The following PCDHGB7 variants were observed in gnomAD, a reference collection of about 807,000 sequenced individuals.
PCDHGB7 encodes protocadherin gamma subfamily B, 7.
A neutral mutation model predicts 61.4 loss-of-function variants in PCDHGB7; 37 were observed. The ratio of observed to expected loss-of-function variants is 0.60; its 90% CI spans 0.46 to 0.79. PCDHGB7 has a LOEUF of 0.79. PCDHGB7 is among the 30% of genes least tolerant of loss of function. The pLI is 0.00. For missense variants in PCDHGB7, 1,166 were observed against 1,202.5 expected (o/e 0.97, Z 0.45); for synonymous variants, 464 against 503.5 (o/e 0.92, Z 1.05).
In PCDHGB7 at chr5:141,511,519, C is replaced by G; in HGVS notation, c.*346C>G. 2.7e-6 allele frequency: 1 copy of G among 367,516 alleles called. No homozygotes were observed. Among genetic ancestry groups the G allele is most frequent in the African/African-American group, 2.1e-5 (1 of 48,286 alleles). 22.8% of individuals were successfully genotyped at this position (367,516 alleles called of 1,614,324 possible). A position where few individuals can be genotyped will look rare whatever the true frequency, so the allele number is the denominator to read the frequency against. ...CCAAATCAATCAGGCCCATCCATCC[C>G]ATGCCTCCCTCCTCCCCACCCCACT... On this transcript the variant is annotated 3_prime_UTR_variant, in exon 4 of 4. Coordinates refer to ENST00000398594, the MANE Select transcript of PCDHGB7 (RefSeq NM_018927.4).
At position 141,431,412 on chromosome 5, in the gene PCDHGB7, G is replaced by A. The variant is rs1458036274; in HGVS notation, c.2415+11138G>A. ...CTGGTCCTTACGGCCTCCGACGGGG[G>A]CGACCCGGTGCGCACAGGCACCGCG... On this transcript the variant is annotated intron_variant, in intron 1 of 3. Transcript: ENST00000398594. This position sits in a 1 kb window ranked among gnomAD's most constrained non-coding sequence, Gnocchi z 4.8. 1 of 1,613,596 alleles carries A rather than the reference G, an allele frequency of 6.2e-7. No homozygotes were observed. Among genetic ancestry groups the A allele is most frequent in the Non-Finnish European group, 8.5e-7 (1 of 1,180,058 alleles).
intron 1 of PCDHGB7, among the ~76,000 whole-genome samples, chr5:141,472,119 A>C (rs1015212535): frequency 6.6e-6 from 1 of 152,240 alleles, no homozygotes; most frequent in African/African-American, 2.4e-5. Context: ...AAAGAAAATA[A>C]AAGAGAAGTT....
chr5:141,487,031 G>A lies in PCDHGB7; in HGVS notation c.2416-7776G>A, dbSNP rs749130369. 1.2e-6 allele frequency: 2 copies of A among 1,614,182 alleles called. No homozygotes were observed. Among genetic ancestry groups the A allele is most frequent in the Non-Finnish European group, 1.7e-6 (2 of 1,180,028 alleles). On this transcript the variant is annotated intron_variant, in intron 1 of 3. Coordinates refer to ENST00000398594, the MANE Select transcript of PCDHGB7 (RefSeq NM_018927.4). The surrounding 1 kb of genome is among the most constrained non-coding windows in gnomAD (Gnocchi z 5.0). ...GGAGGCCCCAGATCCCAGCCTGTTT[G>A]CAGTCTCTCGATATGCTGGGGAGGT...
intron 1 of PCDHGB7, among the ~76,000 whole-genome samples, chr5:141,451,854 C>T (rs1243479409): frequency 6.6e-6 from 1 of 152,058 alleles, no homozygotes; most frequent in Non-Finnish European, 1.5e-5. Flanking sequence ...CCACTCCAGC[C>T]TAGGCCACAG....
At chr5:141,469,415 A>C (rs2099200751) in intron 1 of PCDHGB7, among the ~76,000 whole-genome samples, 1 of 152,116 alleles carries the variant, frequency 6.6e-6, no homozygotes, top group Admixed American at 6.5e-5. Flanking sequence ...TTTCTACTAA[A>C]AATATAAAAC....
chr5:141,432,610 C>T lies in PCDHGB7; in HGVS notation c.2415+12336C>T, dbSNP rs1481968343. 9.3e-6 allele frequency: 15 copies of T among 1,613,954 alleles called. No homozygotes were observed. Among genetic ancestry groups the T allele is most frequent in the Non-Finnish European group, 1.3e-5 (15 of 1,179,978 alleles). On this transcript the variant is annotated intron_variant, in intron 1 of 3. Transcript: ENST00000398594. This position sits in a 1 kb window ranked among gnomAD's most constrained non-coding sequence, Gnocchi z 6.0. The stretch of plus-strand genomic sequence containing the variant: ...TCAAGGCCAGCGAGCCGGGACTCTT[C>T]TCGGTGGGTCTGCACACGGGCGAGG...
Position 141,427,950 on chromosome 5 carries a change from A to C in PCDHGB7, c.2415+7676A>C, listed in dbSNP as rs773336611. The stretch of plus-strand genomic sequence containing the variant: ...CATGTTGGTGGGCGACCTCAATGAC[A>C]ATGTGCCGCGGGTGCTGTACCCCGC... On this transcript the variant is annotated intron_variant, in intron 1 of 3. Transcript: ENST00000398594. 7 of 1,586,816 alleles carry C rather than the reference A, an allele frequency of 4.4e-6. No individual in the cohort carries two copies. The African/African-American group carries it at 8.1e-5, about 18-fold the overall frequency.
rs1055042563 is a variant in PCDHGB7, at chr5:141,512,805, C to G, written c.*1632C>G. On this transcript the variant is annotated 3_prime_UTR_variant, in exon 4 of 4. Coordinates refer to ENST00000398594, the MANE Select transcript of PCDHGB7 (RefSeq NM_018927.4). ...TGTTGTGTTTTGTGCTGTGTCCACG[C>G]GCTAAGGCGACCCCCTCCCCCGTAC... 3.0e-4 allele frequency: 46 copies of G among 152,378 alleles called. No individual in the cohort carries two copies. Among genetic ancestry groups the G allele is most frequent in the African/African-American group, 9.9e-4 (41 of 41,570 alleles). The allele number at this position is 152,378 out of a possible 1,614,324, so 9.4% of individuals were successfully genotyped here.
At chr5:141,474,671 A>G (rs2099352865) in intron 1 of PCDHGB7, among the ~76,000 whole-genome samples, 1 of 152,204 alleles carries the variant, frequency 6.6e-6, no homozygotes, top group South Asian at 2.1e-4. Context: ...TACCTAACCT[A>G]TGTGCCTACC....
intron 1 of PCDHGB7, among the ~76,000 whole-genome samples, chr5:141,481,863 G>A (rs182704348): frequency 8.8e-4 from 130 of 147,602 alleles, no homozygotes; most frequent in African/African-American, 3.3e-3. Flanking sequence ...GCAGTGAGCC[G>A]AGATCGCGCC....
At chr5:141,510,695 C>T (rs1023505006) in intron 3 of PCDHGB7, among the ~76,000 whole-genome samples, 1 of 152,166 alleles carries the variant, frequency 6.6e-6, no homozygotes, top group Non-Finnish European at 1.5e-5. Context: ...GTTAGGTAGA[C>T]TTGCCCAGGA....
intron 1 of PCDHGB7, among the ~76,000 whole-genome samples, chr5:141,469,061 G>C (rs960166489): frequency 1.3e-5 from 2 of 152,010 alleles, no homozygotes; most frequent in African/African-American, 4.8e-5. Flanking sequence ...AGGATTGCTT[G>C]AGCCTAGGAG....
intron 1 of PCDHGB7, among the ~76,000 whole-genome samples, chr5:141,439,259 G>A (rs1172204848): frequency 6.6e-6 from 1 of 151,900 alleles, no homozygotes; most frequent in African/African-American, 2.4e-5. Context: ...TGAAGATTCA[G>A]CCAACAGTTC....
Position 141,505,441 on chromosome 5 carries a change from C to A in PCDHGB7, c.2523C>A (p.Asp841Glu), listed in dbSNP as rs2099846055. 6.2e-7 allele frequency: 1 copy of A among 1,614,084 alleles called. No individual in the cohort carries two copies. Among genetic ancestry groups the A allele is most frequent in the Non-Finnish European group, 8.5e-7 (1 of 1,180,024 alleles). Reference sequence around the variant, plus strand: ...GCACCTGGCCCAACAACCAGTTTGACACAGAGATGCTGCAAGCCATGATCT... The same window carrying A: ...GCACCTGGCCCAACAACCAGTTTGAAACAGAGATGCTGCAAGCCATGATCT... ...DTGTWPNNQFDTEMLQAMILA... is the reference protein window; with the variant it reads ...DTGTWPNNQFETEMLQAMILA... Residue 841 changes from aspartate to glutamate, a missense_variant, in exon 3 of 4, where the codon GAC becomes GAA. Transcript: ENST00000398594.
At chr5:141,421,783 A>G in intron 1 of PCDHGB7, 1 of 1,613,882 alleles carries the variant, frequency 6.2e-7, no homozygotes, top group East Asian at 2.2e-5. Flanking sequence ...ACTGCGGGGC[A>G]GAACGGATGG....
intron 1 of PCDHGB7, chr5:141,468,586 G>C (rs1232477889): frequency 1.3e-5 from 2 of 152,176 alleles, no homozygotes; most frequent in East Asian, 1.9e-4. Context: ...GGTACTAAAG[G>C]CTGGGCGCGG....
intron 1 of PCDHGB7, among the ~76,000 whole-genome samples, chr5:141,460,251 A>G (rs2098984972): frequency 6.6e-6 from 1 of 152,114 alleles, no homozygotes; most frequent in Admixed American, 6.6e-5. Context: ...TAATTTTGAT[A>G]AAGCCCAATT....
chr5:141,454,567 C>G (rs572130062), intron 1 of PCDHGB7, among the ~76,000 whole-genome samples: 1 of 150,856 alleles, frequency 6.6e-6, no homozygotes, highest in Non-Finnish European at 1.5e-5. Flanking sequence ...CCACCACGCC[C>G]GGCTAATTTT....
intron 1 of PCDHGB7, among the ~76,000 whole-genome samples, chr5:141,466,493 A>G (rs2099123402): frequency 6.6e-6 from 1 of 152,226 alleles, no homozygotes; most frequent in South Asian, 2.1e-4. Context: ...TTCTTTAATT[A>G]GAGCACAGAC....
Sources: allele counts gnomAD v4.1 joint callset (sites outside exome capture counted in the v4.1 genomes callset), GRCh38; gene constraint gnomAD v4.1.1; non-coding constraint Gnocchi (gnomAD v3.1); transcripts MANE v1.5; gene names NCBI Gene and HGNC (gene_info 2026-07-23, HGNC 2026-07-21).